The following ZDHHC13 variants were observed in gnomAD, a reference collection of about 807,000 sequenced individuals.
ZDHHC13 encodes the protein zDHHC palmitoyltransferase 13, also known as palmitoyltransferase ZDHHC13.
ZDHHC13 carries 85 observed loss-of-function variants against 86.0 expected under a neutral mutation model. The observed-to-expected ratio is 0.99, with a 90% CI of 0.83 to 1.18. ZDHHC13 has a LOEUF of 1.18. ZDHHC13 is among the 50% of genes most tolerant of loss of function. ZDHHC13 has a pLI of 0.00. For synonymous variants in ZDHHC13, 263 were observed against 246.4 expected, an observed-to-expected ratio of 1.07 and a Z score of -0.63; for missense variants, 711 against 730.2, an observed-to-expected ratio of 0.97 and a Z score of 0.30.
chr11:19,164,072 AG>A (rs1849987200), intron 11 of ZDHHC13, among the ~76,000 whole-genome samples: 1 of 151,966 alleles, frequency 6.6e-6, no homozygotes, highest in South Asian at 2.1e-4. Flanking sequence ...GATAGGTGGG[AG>A]TGGTGGGGTG....
At chr11:19,175,419 G>GAAAAA (rs1373727102) in intron 16 of ZDHHC13, among the ~76,000 whole-genome samples, 1 of 51,184 alleles carries the variant, frequency 2.0e-5, no homozygotes. Context: ...AAAAAAAAAG[G>GAAAAA]TTTAGGGAAA....
At chr11:19,141,923 C>G (rs1466604103) in intron 1 of ZDHHC13, among the ~76,000 whole-genome samples, 1 of 152,178 alleles carries the variant, frequency 6.6e-6, no homozygotes, top group African/African-American at 2.4e-5. Context: ...TATGCAGTCA[C>G]TTCTGTATTA....
At chr11:19,166,679 G>T in intron 14 of ZDHHC13, 1 of 202,368 alleles carries the variant, frequency 4.9e-6, no homozygotes, top group Non-Finnish European at 9.7e-6. Flanking sequence ...AAAGTCAGCT[G>T]CTGAAGTACA....
At chr11:19,134,235 C>T (rs1472986073) in intron 1 of ZDHHC13, among the ~76,000 whole-genome samples, 1 of 152,016 alleles carries the variant, frequency 6.6e-6, no homozygotes, top group Non-Finnish European at 1.5e-5. Flanking sequence ...GTGGCTTACA[C>T]CTGTAATCCC....
chr11:19,147,772 T>TTCCCC (rs1565030953), intron 4 of ZDHHC13, 99 bp downstream of exon 4: 9 of 385,300 alleles, frequency 2.3e-5, no homozygotes, highest in Non-Finnish European at 3.0e-5. Flanking sequence ...TGTCTTTTCT[T>TTCCCC]CCCCCCCCCC....
At chr11:19,139,986 A>G (rs1204607841) in intron 1 of ZDHHC13, among the ~76,000 whole-genome samples, 1 of 149,632 alleles carries the variant, frequency 6.7e-6, no homozygotes, top group Non-Finnish European at 1.5e-5. Context: ...AGGCATTACC[A>G]TTCAGGACAT....
At chr11:19,156,305 T>G (rs1348861408) in intron 9 of ZDHHC13, among the ~76,000 whole-genome samples, 1 of 152,246 alleles carries the variant, frequency 6.6e-6, no homozygotes, top group Non-Finnish European at 1.5e-5. Flanking sequence ...TAAATTTATT[T>G]TAAGCTAGTT....
chr11:19,152,623 CAG>C lies in ZDHHC13; in HGVS notation c.814_815del (p.Glu272SerfsTer70), dbSNP rs768003164. On this transcript the variant is annotated frameshift_variant, in exon 8 of 17. Transcript: ENST00000446113. LOFTEE classifies it high-confidence loss of function. ...CAGCTCATTATTCATATGCTAAAAA[CAG>C]AAGCCAAAATGAGAGCCAACCAAAA... 6.2e-7 allele frequency: 1 copy of C among 1,613,172 alleles called. No homozygotes were observed. Among genetic ancestry groups the C allele is most frequent in the Admixed American group, 1.7e-5 (1 of 59,952 alleles).
chr11:19,174,539 C>T (rs918336868), intron 16 of ZDHHC13, among the ~76,000 whole-genome samples: 28 of 152,252 alleles, frequency 1.8e-4, no homozygotes, highest in African/African-American at 6.3e-4. Context: ...GCAACGCAGT[C>T]ATCCTCATGG....
intron 15 of ZDHHC13, among the ~76,000 whole-genome samples, chr11:19,171,838 A>G (rs1342363918): frequency 1.3e-5 from 2 of 152,242 alleles, no homozygotes; most frequent in African/African-American, 4.8e-5. Flanking sequence ...TGTTTTCTTA[A>G]TGAACAAAAC....
intron 1 of ZDHHC13, among the ~76,000 whole-genome samples, chr11:19,132,483 T>C (rs1278165696): frequency 1.3e-5 from 2 of 152,228 alleles, no homozygotes; most frequent in Non-Finnish European, 2.9e-5. Context: ...TTGCCTATCC[T>C]TGTCAAGTTT....
At chr11:19,125,913 A>C (rs941256246) in intron 1 of ZDHHC13, among the ~76,000 whole-genome samples, 3 of 152,172 alleles carry the variant, frequency 2.0e-5, no homozygotes, top group Non-Finnish European at 4.4e-5. Context: ...AGTGGTTGCC[A>C]AGAGTTGGTT....
In ZDHHC13 at chr11:19,155,830, T is replaced by C. The variant is rs1336556388; in HGVS notation, c.908T>C (p.Met303Thr). The change falls in exon 9 of 17, where the codon ATG becomes ACG. Residue 303 changes from methionine to threonine, a missense_variant. By Grantham distance (81) the Met-to-Thr change is moderately conservative. Transcript: ENST00000446113. ...FLLLMLSVIT[M>T]WAIGYILDFN... ...CTGCTGATGCTTTCTGTGATTACCA[T>C]GTGGGCTATTGGATACATATTGGAC... The C allele has an allele frequency of 6.2e-7, 1 of 1,612,926 alleles. No homozygotes were observed. The highest frequency in any genetic ancestry group is 8.5e-7 in the Non-Finnish European group (1 of 1,179,712).
intron 1 of ZDHHC13, among the ~76,000 whole-genome samples, chr11:19,118,425 C>A (rs1446161306): frequency 6.6e-6 from 1 of 152,206 alleles, no homozygotes; most frequent in East Asian, 1.9e-4. Context: ...AGTTCTCAGG[C>A]AGACTGGATT....
rs755863762 is a variant in ZDHHC13 at position 19,164,381 on chromosome 11, A to AT, written c.1296+25dup. On this transcript the variant is annotated intron_variant, in intron 12 of 16. Transcript: ENST00000446113. ...CATGTCTTGTGAGTTTTTTCATATA[A>AT]TTTTTTTCCGTAGTGAAAGCAAAGT... The AT allele has an allele frequency of 2.1e-5, 33 of 1,609,750 alleles. No homozygotes were observed. Among genetic ancestry groups the AT allele is most frequent in the Non-Finnish European group, 2.7e-5 (32 of 1,177,816 alleles).
At position 19,175,980 on chromosome 11, in the gene ZDHHC13, C is replaced by T; in HGVS notation, c.*20C>T. The T allele has an allele frequency of 6.3e-7, 1 of 1,581,384 alleles. No individual in the cohort carries two copies. The highest frequency in any genetic ancestry group is 8.6e-7 in the Non-Finnish European group (1 of 1,169,396). On this transcript the variant is annotated 3_prime_UTR_variant, in exon 17 of 17. Transcript: ENST00000446113. ...GTATGAAGAAAAGCAACCCAAAACTCTCAATCTGATTTGTTTTTGTTTATG... is the reference window on the plus strand; with the variant it reads ...GTATGAAGAAAAGCAACCCAAAACTTTCAATCTGATTTGTTTTTGTTTATG...
chr11:19,135,716 C>A (rs1285740836), intron 1 of ZDHHC13, among the ~76,000 whole-genome samples: 1 of 152,260 alleles, frequency 6.6e-6, no homozygotes, highest in Non-Finnish European at 1.5e-5. Flanking sequence ...CAGCATGCAG[C>A]TGGAGATCTG....
Position 19,165,064 on chromosome 11 carries a change from T to C in ZDHHC13, c.1309T>C (p.Leu437=), listed in dbSNP as rs1850020938. The C allele has an allele frequency of 6.2e-7, 1 of 1,612,572 alleles. No homozygotes were observed. Among genetic ancestry groups the C allele is most frequent in the South Asian group, 1.1e-5 (1 of 90,684 alleles). Residue 437 remains leucine (L), a synonymous_variant, in exon 13 of 17, where the codon TTA becomes CTA. Coordinates refer to ENST00000446113, the MANE Select transcript of ZDHHC13 (RefSeq NM_019028.3). ...FCTSCLIRKP[L]RSLHCHVCNC... is the part of the protein sequence containing the mutation. ...ATTGCCCACTTAGATAAGGAAGCCA[T>C]TAAGGTCACTCCACTGCCATGTATG...
At chr11:19,135,575 C>T (rs976333224) in intron 1 of ZDHHC13, among the ~76,000 whole-genome samples, 6 of 152,240 alleles carry the variant, frequency 3.9e-5, no homozygotes, top group African/African-American at 1.4e-4. Context: ...CCCACCACAG[C>T]TCAAGGAGGC....
Sources: gnomAD v4.1 joint callset for allele counts (sites outside exome capture counted in the v4.1 genomes callset) on GRCh38, gnomAD v4.1.1 for gene constraint, MANE v1.5 for transcripts, NCBI Gene and HGNC (gene_info 2026-07-23, HGNC 2026-07-21) for gene names.